Variants in DTNBP1 observed in about 807,000 individuals in gnomAD.
The protein encoded by DTNBP1 is dysbindin.
In DTNBP1, 35 loss-of-function variants were observed where a neutral mutation model predicts 42.8. The observed-to-expected ratio is 0.82, with a 90% confidence interval of 0.63 to 1.09. The LOEUF (loss-of-function observed/expected upper bound fraction) is 1.09, where lower values mean the gene tolerates loss of function less well. DTNBP1 is among the 50% of genes least tolerant of loss of function. The probability of loss-of-function intolerance (pLI) is 0.00; values close to 1 mark genes in which losing one functional copy is unlikely to be tolerated. For missense variants in DTNBP1, 457 were observed against 424.2 expected, an observed-to-expected ratio of 1.08 and a Z score of -0.68; for synonymous variants, 171 against 162.2, an observed-to-expected ratio of 1.05 and a Z score of -0.41.
chr6:15,558,023 T>C (rs1040036875), intron 7 of DTNBP1, among the ~76,000 whole-genome samples: 4 of 151,894 alleles, frequency 2.6e-5, no homozygotes, highest in Admixed American at 1.3e-4. Context: ...TTGGGTTGTA[T>C]CTATATAAAT....
chr6:15,653,519 G>C (rs1386072798), intron 1 of DTNBP1, among the ~76,000 whole-genome samples: 1 of 152,134 alleles, frequency 6.6e-6, no homozygotes, highest in Non-Finnish European at 1.5e-5. Flanking sequence ...ACAGATAAAT[G>C]GGCTAGAGCT....
At chr6:15,525,201 G>C (rs1336024545) in intron 8 of DTNBP1, among the ~76,000 whole-genome samples, 1 of 152,202 alleles carries the variant, frequency 6.6e-6, no homozygotes, top group East Asian at 1.9e-4. Context: ...GCACAGACTA[G>C]GAGAAAACAA....
At chr6:15,654,358 C>G (rs1761170099) in intron 1 of DTNBP1, among the ~76,000 whole-genome samples, 1 of 152,160 alleles carries the variant, frequency 6.6e-6, no homozygotes, top group Non-Finnish European at 1.5e-5. Context: ...GTTGGAACAT[C>G]TCAGGCAAAA....
intron 7 of DTNBP1, among the ~76,000 whole-genome samples, chr6:15,538,013 G>T (rs562227814): frequency 6.6e-6 from 1 of 152,272 alleles, no homozygotes; most frequent in South Asian, 2.1e-4. Flanking sequence ...TAAATCCTTT[G>T]TACTTCACAG....
intron 6 of DTNBP1, among the ~76,000 whole-genome samples, chr6:15,612,951 T>G (rs1758496357): frequency 6.6e-6 from 1 of 152,120 alleles, no homozygotes; most frequent in African/African-American, 2.4e-5. Flanking sequence ...GTTCCTCTTT[T>G]CCCACACCCA....
chr6:15,543,729 C>G (rs920146563), intron 7 of DTNBP1, among the ~76,000 whole-genome samples: 3 of 152,168 alleles, frequency 2.0e-5, no homozygotes, highest in African/African-American at 7.2e-5. Context: ...CCCTCCTAGC[C>G]TCTGTCACCT....
chr6:15,541,170 G>A (rs1773540201), intron 7 of DTNBP1, among the ~76,000 whole-genome samples: 1 of 152,054 alleles, frequency 6.6e-6, no homozygotes, highest in Admixed American at 6.6e-5. Flanking sequence ...GCACAAAGCG[G>A]GCATTTAAAA....
At chr6:15,646,117 C>T (rs1760664967) in intron 3 of DTNBP1, among the ~76,000 whole-genome samples, 1 of 151,664 alleles carries the variant, frequency 6.6e-6, no homozygotes, top group Non-Finnish European at 1.5e-5. Flanking sequence ...AAGCAATGTA[C>T]AAAACTCCAC....
intron 3 of DTNBP1, among the ~76,000 whole-genome samples, chr6:15,640,343 C>A (rs1009515532): frequency 6.6e-6 from 1 of 152,212 alleles, no homozygotes; most frequent in Non-Finnish European, 1.5e-5. Flanking sequence ...GATAAAGACA[C>A]TGGATGTAAA....
intron 6 of DTNBP1, among the ~76,000 whole-genome samples, chr6:15,610,160 C>A (rs919474766): frequency 6.6e-6 from 1 of 152,164 alleles, no homozygotes; most frequent in Non-Finnish European, 1.5e-5. Context: ...AGGGTGATCA[C>A]CTGGCTAAGC....
At chr6:15,602,357 C>T (rs765792271) in intron 6 of DTNBP1, among the ~76,000 whole-genome samples, 1 of 152,152 alleles carries the variant, frequency 6.6e-6, no homozygotes, top group South Asian at 2.1e-4. Context: ...TGCTTACCAC[C>T]GATGTCAGAG....
At chr6:15,661,678 A>G (rs1006259776) in intron 1 of DTNBP1, among the ~76,000 whole-genome samples, 5 of 151,984 alleles carry the variant, frequency 3.3e-5, no homozygotes, top group African/African-American at 9.7e-5. Flanking sequence ...AGAAATTTAA[A>G]ACAGTATGAG....
chr6:15,582,051 A>G (rs2113579523), intron 7 of DTNBP1, among the ~76,000 whole-genome samples: 1 of 152,262 alleles, frequency 6.6e-6, no homozygotes, highest in Non-Finnish European at 1.5e-5. Flanking sequence ...AAGGAGCATT[A>G]CACAGCAAGA....
At chr6:15,596,918 A>G (rs189812514) in intron 6 of DTNBP1, among the ~76,000 whole-genome samples, 1 of 152,242 alleles carries the variant, frequency 6.6e-6, no homozygotes, top group Admixed American at 6.5e-5. Context: ...TCTCCATCCA[A>G]TTCATCAATA....
At chr6:15,549,673 T>C (rs576081168) in intron 7 of DTNBP1, among the ~76,000 whole-genome samples, 5 of 152,082 alleles carry the variant, frequency 3.3e-5, no homozygotes, top group Non-Finnish European at 7.4e-5. Flanking sequence ...CTCATTGTCC[T>C]GTCCTCACTA....
intron 4 of DTNBP1, among the ~76,000 whole-genome samples, chr6:15,630,472 A>G (rs904827517): frequency 6.6e-6 from 1 of 152,224 alleles, no homozygotes; most frequent in African/African-American, 2.4e-5. Flanking sequence ...TTTGAAGGCA[A>G]GCTAATATTT....
intron 3 of DTNBP1, among the ~76,000 whole-genome samples, chr6:15,647,913 C>T (rs1359274571): frequency 2.6e-5 from 4 of 151,918 alleles, no homozygotes; most frequent in Non-Finnish European, 5.9e-5. Context: ...ACTCATTCTA[C>T]AAGCCAGCAT....
intron 4 of DTNBP1, among the ~76,000 whole-genome samples, chr6:15,628,659 G>A (rs945960222): frequency 3.3e-5 from 5 of 151,902 alleles, no homozygotes; most frequent in African/African-American, 9.7e-5. Context: ...CACCCATCTT[G>A]GCCTCCCAAA....
At chr6:15,630,163 T>G (rs1191809037) in intron 4 of DTNBP1, among the ~76,000 whole-genome samples, 1 of 152,158 alleles carries the variant, frequency 6.6e-6, no homozygotes, top group Non-Finnish European at 1.5e-5. Context: ...GGTACACCAA[T>G]GATGTAGAAT....
Sources: allele counts gnomAD v4.1 joint callset (sites outside exome capture counted in the v4.1 genomes callset), GRCh38; gene constraint gnomAD v4.1.1; transcripts MANE v1.5; gene names NCBI Gene and HGNC (gene_info 2026-07-23, HGNC 2026-07-21).